Variants in RNF25 observed in about 807,000 individuals in gnomAD.
RNF25 encodes the protein ring finger protein 25, also known as E3 ubiquitin-protein ligase RNF25.
Under a neutral mutation model 65.0 loss-of-function variants are expected in RNF25, and 32 were observed. The ratio of observed to expected loss-of-function variants is 0.49; its 90% confidence interval spans 0.37 to 0.66. The LOEUF is 0.66. RNF25 is among the 30% of genes least tolerant of loss of function. The pLI is 0.00. For missense variants in RNF25, 493 were observed against 584.8 expected, an observed-to-expected ratio of 0.84 and a Z score of 1.62; for synonymous variants, 207 against 221.2, an observed-to-expected ratio of 0.94 and a Z score of 0.57.
chr2:218,665,479 C>T (rs1191048442), intron 7 of RNF25, among the ~76,000 whole-genome samples: 2 of 152,076 alleles, frequency 1.3e-5, no homozygotes, highest in Admixed American at 6.5e-5. Flanking sequence ...CGGTGGCTCG[C>T]GCCTGTAATC....
At chr2:218,666,798 G>A (rs1204557334) in intron 5 of RNF25, among the ~76,000 whole-genome samples, 3 of 152,182 alleles carry the variant, frequency 2.0e-5, no homozygotes, top group African/African-American at 4.8e-5. Context: ...GGACTGCTAC[G>A]GTGGCCTATC....
chr2:218,668,110 G>T lies in RNF25; in HGVS notation c.256C>A (p.Pro86Thr), dbSNP rs891342238. 6.2e-7 allele frequency: 1 copy of T among 1,613,854 alleles called. No homozygotes were observed. The highest frequency in any genetic ancestry group is 1.7e-5 in the Admixed American group (1 of 59,976). ...ATCTGTTCATCTGAAAGTCCTCGGG[G>T]ATTTCGGATAGAGATCTGTGGCACC... ...HEVPQISIRN[P>T]RGLSDEQIHT... Residue 86 changes from proline to threonine, a missense_variant, in exon 4 of 10, where the codon CCC becomes ACC. Pro to Thr is a conservative substitution (Grantham distance 38, BLOSUM62 -1). Coordinates refer to ENST00000295704, the MANE Select transcript of RNF25 (RefSeq NM_022453.3).
At chr2:218,667,177 A>T (rs2106336568) in intron 5 of RNF25, among the ~76,000 whole-genome samples, 1 of 150,426 alleles carries the variant, frequency 6.6e-6, no homozygotes, top group South Asian at 2.1e-4. Flanking sequence ...AAAAAAAAAA[A>T]AAAATTAAAA....
intron 5 of RNF25, 94 bp downstream of exon 5, chr2:218,667,818 C>G (rs761814317): frequency 8.7e-7 from 1 of 1,150,778 alleles, no homozygotes. Flanking sequence ...ACTCCAGATC[C>G]GTTTAAGATT....
In RNF25 at chr2:218,664,710, A is replaced by T. The variant is rs777383979; in HGVS notation, c.801+29T>A. ...GGTTTGTAGAAAGGTTGGTGGCATTACAGGACAACTGGGAAGCCCTTCCCT... is the reference window on the plus strand; with the variant it reads ...GGTTTGTAGAAAGGTTGGTGGCATTTCAGGACAACTGGGAAGCCCTTCCCT... On this transcript the variant is annotated intron_variant, in intron 9 of 9. Coordinates refer to ENST00000295704, the MANE Select transcript of RNF25 (RefSeq NM_022453.3). This position sits in a 1 kb window ranked among gnomAD's most constrained non-coding sequence, Gnocchi z 5.1. 5 of 1,613,714 alleles carry T rather than the reference A, an allele frequency of 3.1e-6. No individual in the cohort carries two copies. In the East Asian group the frequency reaches 6.7e-5, roughly 22 times the overall value.
chr2:218,664,988 C>T lies in RNF25; in HGVS notation c.667-115G>A. The T allele has an allele frequency of 6.7e-7, 1 of 1,497,586 alleles. No homozygotes were observed. Among genetic ancestry groups the T allele is most frequent in the Non-Finnish European group, 9.1e-7 (1 of 1,100,990 alleles). The allele number at this position is 1,497,586 out of a possible 1,614,324, so 92.8% of individuals were successfully genotyped here. A position where few individuals can be genotyped will look rare whatever the true frequency, so the allele number is the denominator to read the frequency against. On this transcript the variant is annotated intron_variant, in intron 8 of 9. Coordinates refer to ENST00000295704, the MANE Select transcript of RNF25 (RefSeq NM_022453.3). The surrounding 1 kb of genome is among the most constrained non-coding windows in gnomAD (Gnocchi z 5.1). Reference sequence around the variant, plus strand: ...ACTGGTTTTGCCCCTCAGGTCTGGGCTCCCAGAGTCTTAGGCTCCCGCCAG... The same window carrying T: ...ACTGGTTTTGCCCCTCAGGTCTGGGTTCCCAGAGTCTTAGGCTCCCGCCAG...
rs1939770878 is a variant in RNF25, at chr2:218,664,396, T to G, written c.941A>C (p.His314Pro). The change falls in exon 10 of 10, where the codon CAC (histidine) becomes CCC (proline). Residue 314 changes from histidine to proline, a missense_variant. By Grantham distance (77) the His-to-Pro change is moderately conservative (BLOSUM62 -2). Coordinates refer to ENST00000295704, the MANE Select transcript of RNF25 (RefSeq NM_022453.3). The surrounding 1 kb of genome is among the most constrained non-coding windows in gnomAD (Gnocchi z 5.1). ...GGTCCCTGGAATCTTCTCACATATG[T>G]GCTGGGTCGCCACAGGCAGAGGAGG... Reference protein sequence around the residue: ...LPPPLPVATQHICEKIPGTRS... With the variant: ...LPPPLPVATQPICEKIPGTRS... 1.2e-6 allele frequency: 2 copies of G among 1,614,144 alleles called. No individual in the cohort carries two copies. The highest frequency in any genetic ancestry group is 4.5e-5 in the East Asian group (2 of 44,874).
chr2:218,664,378 G>C lies in RNF25; in HGVS notation c.959C>G (p.Pro320Arg). Residue 320 changes from proline to arginine, a missense_variant, in exon 10 of 10, where the codon CCA becomes CGA. Physicochemically the swap from Pro to Arg is moderately radical, Grantham distance 103. Around this residue, in one of 3 missense-constraint regions of RNF25, gnomAD observed 351 missense variants for 400.2 expected, o/e 0.88. Coordinates refer to ENST00000295704, the MANE Select transcript of RNF25 (RefSeq NM_022453.3). The surrounding 1 kb of genome is among the most constrained non-coding windows in gnomAD (Gnocchi z 5.1). ...VATQHICEKI[P>R]GTRSNQQRLG... The stretch of plus-strand genomic sequence containing the variant: ...CCTTTGCTGATTTGACCTGGTCCCT[G>C]GAATCTTCTCACATATGTGCTGGGT... The C allele has an allele frequency of 6.2e-7, 1 of 1,614,180 alleles. No homozygotes were observed. The highest frequency in any genetic ancestry group is 1.1e-5 in the South Asian group (1 of 91,084).
chr2:218,671,853 A>T (rs1484734386), intron 1 of RNF25, 77 bp downstream of exon 1: 1 of 1,539,120 alleles, frequency 6.5e-7, no homozygotes, highest in Non-Finnish European at 8.9e-7. Context: ...CGCCCGCCGT[A>T]CGGACCGTCT....
At position 218,669,905 on chromosome 2, in the gene RNF25, A is replaced by AC. The variant is rs1436553567; in HGVS notation, c.42-1227_42-1226insG. 8.9e-4 allele frequency among the ~76,000 whole-genome samples: 135 copies of AC among 152,292 alleles called. 1 individual carries two copies. The highest frequency in any genetic ancestry group is 2.4e-3 in the African/African-American group (100 of 41,568). On this transcript the variant is annotated intron_variant, in intron 1 of 9. Transcript: ENST00000295704. ...CTCATTGTTGCTGTCTCCATGGCTC[A>AC]AGGTGTCTCCCCTGAATCTTAAAAG...
chr2:218,671,966 G>A lies in RNF25; in HGVS notation c.5C>T (p.Ala2Val), dbSNP rs778065422. Reference sequence around the variant, plus strand: ...CCCTGCAGCTGCAGACGCAGACGCCGCCATATCTTCACCGGCCCGCAGCCG... The same window carrying A: ...CCCTGCAGCTGCAGACGCAGACGCCACCATATCTTCACCGGCCCGCAGCCG... MAASASAAAGEE... is the reference protein window; with the variant it reads MVASASAAAGEE... The change falls in exon 1 of 10, where the codon GCG becomes GTG. Residue 2 changes from alanine (A) to valine (V), a missense_variant. Coordinates refer to ENST00000295704, the MANE Select transcript of RNF25 (RefSeq NM_022453.3). 4.3e-6 allele frequency: 7 copies of A among 1,614,180 alleles called. No individual in the cohort carries two copies. Among genetic ancestry groups the A allele is most frequent in the East Asian group, 2.2e-5 (1 of 44,874 alleles).
Position 218,664,894 on chromosome 2 carries a change from G to A in RNF25, c.667-21C>T. On this transcript the variant is annotated intron_variant, in intron 8 of 9. Coordinates refer to ENST00000295704, the MANE Select transcript of RNF25 (RefSeq NM_022453.3). This position sits in a 1 kb window ranked among gnomAD's most constrained non-coding sequence, Gnocchi z 5.1. ...AGCTCCTGGAAGGAAGAATGGCAGA[G>A]AGGAAATAATGAACAGCAGAAGGCT... 6.2e-7 allele frequency: 1 copy of A among 1,613,932 alleles called. No individual in the cohort carries two copies. Among genetic ancestry groups the A allele is most frequent in the Non-Finnish European group, 8.5e-7 (1 of 1,179,964 alleles).
intron 4 of RNF25, 29 bp downstream of exon 4, chr2:218,668,050 T>C (rs970263301): frequency 6.2e-7 from 1 of 1,613,162 alleles, no homozygotes; most frequent in African/African-American, 1.3e-5. Flanking sequence ...TGTAGCTGAG[T>C]TTTCCCTGTT....
chr2:218,664,236 A>G lies in RNF25; in HGVS notation c.1101T>C (p.Arg367=). Residue 367 remains arginine, a synonymous_variant, in exon 10 of 10, where the codon CGT becomes CGC. Transcript: ENST00000295704. This position sits in a 1 kb window ranked among gnomAD's most constrained non-coding sequence, Gnocchi z 5.1. ...GGECHAPKGT[R]DTQELPPPEG... Reference sequence around the variant, plus strand: ...CAGGAGGTGGCAGTTCCTGGGTGTCACGGGTACCTTTAGGGGCGTGGCACT... The same window carrying G: ...CAGGAGGTGGCAGTTCCTGGGTGTCGCGGGTACCTTTAGGGGCGTGGCACT... The G allele has an allele frequency of 6.2e-7, 1 of 1,600,476 alleles. No homozygotes were observed. Among genetic ancestry groups the G allele is most frequent in the Non-Finnish European group, 8.5e-7 (1 of 1,173,386 alleles).
In RNF25 at chr2:218,669,001, C is replaced by T. The variant is rs1939894591; in HGVS notation, c.42-322G>A. On this transcript the variant is annotated intron_variant, in intron 1 of 9. Coordinates refer to ENST00000295704, the MANE Select transcript of RNF25 (RefSeq NM_022453.3). ...GACTCCCTGTTTAAGTTTCATTCCC[C>T]TTAGTGGCTGAATCTCTGGTCTAGA... 3.3e-5 allele frequency among the ~76,000 whole-genome samples: 5 copies of T among 152,206 alleles called. No homozygotes were observed. The South Asian group carries it at 1.0e-3, about 32-fold the overall frequency.
chr2:218,669,491 G>A (rs1939903095), intron 1 of RNF25, among the ~76,000 whole-genome samples: 1 of 152,242 alleles, frequency 6.6e-6, no homozygotes, highest in Non-Finnish European at 1.5e-5. Flanking sequence ...GAAGGAAGGA[G>A]GTAATAGAGT....
chr2:218,665,601 G>C (rs1265965614), intron 7 of RNF25, among the ~76,000 whole-genome samples: 1 of 152,034 alleles, frequency 6.6e-6, no homozygotes, highest in Non-Finnish European at 1.5e-5. Flanking sequence ...AAATCAGCTG[G>C]GCGTGGTGGC....
At chr2:218,671,826 C>T (rs1939985410) in intron 1 of RNF25, 104 bp downstream of exon 1, 1 of 1,271,524 alleles carries the variant, frequency 7.9e-7, no homozygotes, top group Non-Finnish European at 1.1e-6. Context: ...ATCCCTCATC[C>T]CTCGCTCCAC....
In RNF25 at chr2:218,663,998, G is replaced by A. The variant is rs772330341; in HGVS notation, c.1339C>T (p.Arg447Trp). 5 of 1,464,910 alleles carry A rather than the reference G, an allele frequency of 3.4e-6. No individual in the cohort carries two copies. The highest frequency in any genetic ancestry group is 2.5e-5 in the Admixed American group (1 of 40,474). The allele number at this position is 1,464,910 out of a possible 1,614,324, so 90.7% of individuals were successfully genotyped here. A position where few individuals can be genotyped will look rare whatever the true frequency, so the allele number is the denominator to read the frequency against. The change falls in exon 10 of 10, where the codon CGG becomes TGG. Residue 447 changes from arginine (R) to tryptophan (W), a missense_variant. Transcript: ENST00000295704. ...RGQGAYRPGT[R>W]RESLGLESKD... ...GATTCCAGGCCCAGGGACTCCCTCC[G>A]AGTACCAGGCCGGTATGCTCCCTGG... is the stretch of plus-strand genomic sequence containing the variant.
Sources: gnomAD v4.1 joint callset for allele counts (sites outside exome capture counted in the v4.1 genomes callset) on GRCh38, gnomAD v4.1.1 for gene constraint, gnomAD v4.1.1 regional missense constraint, Gnocchi (gnomAD v3.1) non-coding constraint, MANE v1.5 for transcripts, NCBI Gene and HGNC (gene_info 2026-07-23, HGNC 2026-07-21) for gene names.